Variants in SLC6A16 observed in about 807,000 individuals in gnomAD.
The protein encoded by SLC6A16 is orphan sodium- and chloride-dependent neurotransmitter transporter NTT5.
SLC6A16 carries 54 observed loss-of-function variants against 65.4 expected under a neutral mutation model. That is an observed-to-expected ratio of 0.83 (90% confidence interval 0.66 to 1.04). The LOEUF is 1.04. Among genes scored for constraint, SLC6A16 ranks in the 50% least tolerant of loss-of-function variants. SLC6A16 has a pLI of 0.00. For synonymous variants in SLC6A16, 330 were observed against 346.5 expected (o/e 0.95, Z 0.53); for missense variants, 816 against 914.0 (o/e 0.89, Z 1.38).
At position 49,292,993 on chromosome 19, in the gene SLC6A16, ACTT is replaced by A. The variant is rs1406926326; in HGVS notation, c.1778+227_1778+229del. On this transcript the variant is annotated intron_variant, in intron 10 of 11. Coordinates refer to ENST00000335875, the MANE Select transcript of SLC6A16 (RefSeq NM_014037.3). This position sits in a 1 kb window ranked among gnomAD's most constrained non-coding sequence, Gnocchi z 4.3. ...ATGTAAGCTTTCTGAGAATAGGAAT[ACTT>A]CTTTTATTCAATGCCCCTATCCCTG... is the stretch of plus-strand genomic sequence containing the variant. Among the ~76,000 whole-genome samples, 4 of 152,206 alleles carry A rather than the reference ACTT, an allele frequency of 2.6e-5. No individual in the cohort carries two copies. The highest frequency in any genetic ancestry group is 9.7e-5 in the African/African-American group (4 of 41,446).
Position 49,290,755 on chromosome 19 carries a change from G to A in SLC6A16, c.1791C>T (p.Asp597=). Residue 597 remains aspartate, a synonymous_variant, in exon 11 of 12, where the codon GAC becomes GAT. Transcript: ENST00000335875. ...TGGGGTGGCCCAACAGGATCGTCAG[G>A]TCTGCAAGGAACCTGGAGAAGGGCC... ...WAYGARRFLA[D]LTILLGHPIS... 1 of 1,609,838 alleles carries A rather than the reference G, an allele frequency of 6.2e-7. No homozygotes were observed. Among genetic ancestry groups the A allele is most frequent in the South Asian group, 1.1e-5 (1 of 90,134 alleles).
At chr19:49,295,679 G>T (rs997551512) in intron 7 of SLC6A16, among the ~76,000 whole-genome samples, 1 of 152,192 alleles carries the variant, frequency 6.6e-6, no homozygotes, top group African/African-American at 2.4e-5. Context: ...GACTTCCAAA[G>T]ATACTTTGTC....
intron 1 of SLC6A16, among the ~76,000 whole-genome samples, chr19:49,324,250 G>A (rs1970762345): frequency 6.6e-6 from 1 of 152,104 alleles, no homozygotes; most frequent in African/African-American, 2.4e-5. Context: ...AGAATCGCTT[G>A]AACCTGGGAA....
Position 49,293,992 on chromosome 19 carries a change from C to A in SLC6A16, c.1453G>T (p.Val485Phe). 6.2e-7 allele frequency: 1 copy of A among 1,613,212 alleles called. No individual in the cohort carries two copies. Among genetic ancestry groups the A allele is most frequent in the East Asian group, 2.2e-5 (1 of 44,872 alleles). The change falls in exon 9 of 12, where the codon GTT (valine) becomes TTT (phenylalanine). Residue 485 changes from valine to phenylalanine, a missense_variant. By Grantham distance (50) the Val-to-Phe change is conservative. Coordinates refer to ENST00000335875, the MANE Select transcript of SLC6A16 (RefSeq NM_014037.3). ...EGPKFAFLSF[V>F]EAMSFLPPSV... Reference sequence around the variant, plus strand: ...GGAGGAAGGAAGGACATGGCTTCAACAAAGGACAGGAATGCAAACTTTGGG... The same window carrying A: ...GGAGGAAGGAAGGACATGGCTTCAAAAAAGGACAGGAATGCAAACTTTGGG...
intron 7 of SLC6A16, among the ~76,000 whole-genome samples, chr19:49,302,607 G>A (rs180994445): frequency 6.6e-6 from 1 of 152,238 alleles, no homozygotes; most frequent in East Asian, 1.9e-4. Context: ...TAACACCAAA[G>A]GAAAACAATA....
intron 9 of SLC6A16, 52 bp downstream of exon 9, chr19:49,293,775 G>T: frequency 2.6e-6 from 4 of 1,509,902 alleles, no homozygotes; most frequent in Non-Finnish European, 3.7e-6. Flanking sequence ...AAGAGTCCCA[G>T]TGGTGTCAGG....
intron 7 of SLC6A16, among the ~76,000 whole-genome samples, chr19:49,301,664 G>T (rs1259538650): frequency 2.0e-5 from 3 of 152,166 alleles, no homozygotes; most frequent in Non-Finnish European, 4.4e-5. Flanking sequence ...AAGCCCTGTA[G>T]TTTTTTCCAC....
intron 1 of SLC6A16, among the ~76,000 whole-genome samples, chr19:49,323,272 A>G (rs866872766): frequency 3.9e-5 from 6 of 152,198 alleles, no homozygotes; most frequent in African/African-American, 1.4e-4. Context: ...TTAGAATAAA[A>G]CATACGACAA....
chr19:49,338,602 T>C, the SLC6A16 span: 2 of 846,506 alleles, frequency 2.4e-6, no homozygotes, highest in Non-Finnish European at 3.9e-6. The surrounding 1 kb of genome is among the most constrained non-coding windows in gnomAD (Gnocchi z 5.0). Flanking sequence ...CTTAGTCCCC[T>C]GCTCCCCGAC....
At chr19:49,326,746 T>G (rs147762232), upstream of SLC6A16, among the ~76,000 whole-genome samples, 1,992 of 152,214 alleles carry the variant, frequency 0.013, 20 homozygotes, top group Non-Finnish European at 0.021. Flanking sequence ...AGGCCGGGCA[T>G]GGTGGCTCAC....
In SLC6A16 at chr19:49,290,096, A is replaced by G; in HGVS notation, c.*27T>C. ...GTCTATTGGATCTGTTCTAAGGGAT[A>G]TGTTATGTGAAGCCAAATTAATGAA... is the stretch of plus-strand genomic sequence containing the variant. On this transcript the variant is annotated 3_prime_UTR_variant, in exon 12 of 12. Transcript: ENST00000335875. The G allele has an allele frequency of 6.2e-7, 1 of 1,606,180 alleles. No individual in the cohort carries two copies.
At chr19:49,332,294 C>T in the SLC6A16 span, 19 of 456,512 alleles carry the variant, frequency 4.2e-5, no homozygotes, top group Non-Finnish European at 7.5e-5. Flanking sequence ...CGGTGGCTCA[C>T]GCCTGTAATC....
upstream of SLC6A16, among the ~76,000 whole-genome samples, chr19:49,327,142 C>T (rs1255102226): frequency 1.3e-5 from 2 of 151,424 alleles, no homozygotes; most frequent in African/African-American, 4.9e-5. Context: ...GGCATAATCT[C>T]GGCTCACTGC....
the SLC6A16 span, among the ~76,000 whole-genome samples, chr19:49,333,814 G>A: frequency 6.6e-6 from 1 of 152,212 alleles, no homozygotes; most frequent in African/African-American, 2.4e-5. Flanking sequence ...GGCTGCCTCA[G>A]ATGAGGAAAC....
the SLC6A16 span, chr19:49,336,979 C>T: frequency 6.2e-6 from 10 of 1,614,074 alleles, no homozygotes; most frequent in East Asian, 6.7e-5. Flanking sequence ...CCATGGGCAT[C>T]GCCCTCCTGG....
At chr19:49,331,569 A>G in the SLC6A16 span, 3 of 354,614 alleles carry the variant, frequency 8.5e-6, no homozygotes, top group Non-Finnish European at 1.1e-5. Context: ...CTGATTTAAC[A>G]AACAACCGTA....
the SLC6A16 span, chr19:49,338,055 C>G: frequency 5.6e-4 from 894 of 1,608,834 alleles, 3 homozygotes; most frequent in Non-Finnish European, 6.1e-4. The surrounding 1 kb of genome is among the most constrained non-coding windows in gnomAD (Gnocchi z 5.0). Flanking sequence ...CCAGTTCCCT[C>G]CCGGACTGAC....
Position 49,290,688 on chromosome 19 carries a change from C to A in SLC6A16, c.1858G>T (p.Val620Phe), listed in dbSNP as rs1207042190. The A allele has an allele frequency of 1.9e-6, 3 of 1,613,864 alleles. No homozygotes were observed. The East Asian group carries it at 6.7e-5, about 36-fold the overall frequency. Residue 620 changes from valine (V) to phenylalanine (F), a missense_variant, in exon 11 of 12, where the codon GTT becomes TTT. Transcript: ENST00000335875. The stretch of plus-strand genomic sequence containing the variant: ...GTCACAAAGATGATTAGCAGCACAA[C>A]TGGACACAGATGGGGCCACAGCCAA... ...FGWLWPHLCP[V>F]VLLIIFVTMM...
At position 49,309,141 on chromosome 19, in the gene SLC6A16, A is replaced by C. The variant is rs192423180; in HGVS notation, c.988-24T>G. ...ATCTAAAAGAGAGAAGACAAGCATAAGGGGGTTGTAAAAGAAGAAGCAGAG... is the reference window on the plus strand; with the variant it reads ...ATCTAAAAGAGAGAAGACAAGCATACGGGGGTTGTAAAAGAAGAAGCAGAG... On this transcript the variant is annotated intron_variant, in intron 6 of 11. Coordinates refer to ENST00000335875, the MANE Select transcript of SLC6A16 (RefSeq NM_014037.3). The C allele has an allele frequency of 6.0e-5, 96 of 1,611,410 alleles. No homozygotes were observed. The East Asian group carries it at 1.9e-3, about 32-fold the overall frequency.
Sources: allele counts gnomAD v4.1 joint callset (sites outside exome capture counted in the v4.1 genomes callset), GRCh38; gene constraint gnomAD v4.1.1; non-coding constraint Gnocchi (gnomAD v3.1); transcripts MANE v1.5; gene names NCBI Gene and HGNC (gene_info 2026-07-23, HGNC 2026-07-21).